The following PABPC4L variants were observed in gnomAD, a reference collection of about 807,000 sequenced individuals.
PABPC4L encodes poly(A) binding protein cytoplasmic 4 like.
For synonymous variants in PABPC4L, 169 were observed against 164.1 expected, an observed-to-expected ratio of 1.03 and a Z score of -0.23; for missense variants, 452 against 451.4, an observed-to-expected ratio of 1.00 and a Z score of -0.01.
At chr4:134,083,106 A>C in the PABPC4L span, among the ~76,000 whole-genome samples, 1 of 152,150 alleles carries the variant, frequency 6.6e-6, no homozygotes, top group African/African-American at 2.4e-5. Context: ...TCATTCATTC[A>C]GCAGATAATT....
the PABPC4L span, among the ~76,000 whole-genome samples, chr4:134,071,782 A>C: frequency 6.6e-6 from 1 of 152,298 alleles, no homozygotes; most frequent in South Asian, 2.1e-4. Flanking sequence ...GAAGTGAAAC[A>C]ATTTAGAAAA....
chr4:134,195,393 T>C (rs560537934), downstream of PABPC4L, among the ~76,000 whole-genome samples: 5 of 151,724 alleles, frequency 3.3e-5, no homozygotes, highest in African/African-American at 4.8e-5. Context: ...CCACTGGAGA[T>C]ACTGATTGTA....
At chr4:134,107,846 T>C in the PABPC4L span, among the ~76,000 whole-genome samples, 1 of 151,588 alleles carries the variant, frequency 6.6e-6, no homozygotes, top group African/African-American at 2.4e-5. Flanking sequence ...CATTAAATAT[T>C]AAATTATTTC....
chr4:134,169,832 A>T, the PABPC4L span, among the ~76,000 whole-genome samples: 1 of 152,116 alleles, frequency 6.6e-6, no homozygotes, highest in African/African-American at 2.4e-5. Context: ...AGGAAAAATA[A>T]AAATTGTTTT....
chr4:134,138,474 GA>G, the PABPC4L span, among the ~76,000 whole-genome samples: 4 of 151,716 alleles, frequency 2.6e-5, no homozygotes, highest in East Asian at 5.8e-4. Context: ...TTTTATGCAT[GA>G]AAAAGGAGGA....
chr4:134,059,386 CTA>C, the PABPC4L span, among the ~76,000 whole-genome samples: 419 of 142,368 alleles, frequency 2.9e-3, 6 homozygotes, highest in Admixed American at 0.019. Flanking sequence ...AGGAAACAAA[CTA>C]TATATATATA....
At chr4:134,079,205 C>T in the PABPC4L span, among the ~76,000 whole-genome samples, 2 of 150,354 alleles carry the variant, frequency 1.3e-5, no homozygotes, top group African/African-American at 4.9e-5. Context: ...CTCCTGACCT[C>T]GTGTCCCGCC....
chr4:133,960,606 C>T, the PABPC4L span, among the ~76,000 whole-genome samples: 1 of 152,320 alleles, frequency 6.6e-6, no homozygotes, highest in Middle Eastern at 3.4e-3. Context: ...GGTGTGCAGA[C>T]TCCGCAGGCA....
the PABPC4L span, among the ~76,000 whole-genome samples, chr4:133,991,376 T>G: frequency 2.0e-5 from 3 of 152,186 alleles, no homozygotes; most frequent in Non-Finnish European, 4.4e-5. Flanking sequence ...TATTGATTGA[T>G]TCCAAGGTTG....
At chr4:134,008,602 T>C in the PABPC4L span, among the ~76,000 whole-genome samples, 2 of 151,908 alleles carry the variant, frequency 1.3e-5, no homozygotes, top group Admixed American at 6.6e-5. Context: ...ATAACAATAA[T>C]GTAGAAATAG....
the PABPC4L span, among the ~76,000 whole-genome samples, chr4:133,961,574 C>T: frequency 4.6e-5 from 7 of 152,282 alleles, no homozygotes; most frequent in East Asian, 1.9e-4. Flanking sequence ...ATATAAACCC[C>T]GGCACTTGAG....
the PABPC4L span, among the ~76,000 whole-genome samples, chr4:134,032,845 T>A: frequency 1.3e-5 from 2 of 151,358 alleles, no homozygotes; most frequent in African/African-American, 4.8e-5. Context: ...TACTTTATTA[T>A]AAGATGTTAA....
the PABPC4L span, among the ~76,000 whole-genome samples, chr4:133,996,465 T>A: frequency 4.7e-4 from 72 of 152,232 alleles, 1 homozygote; most frequent in Non-Finnish European, 9.3e-4. Context: ...TTTCAGTACT[T>A]TTATATACTG....
the PABPC4L span, among the ~76,000 whole-genome samples, chr4:134,087,662 C>A: frequency 6.6e-6 from 1 of 152,082 alleles, no homozygotes; most frequent in Non-Finnish European, 1.5e-5. Flanking sequence ...TGCTTCCATC[C>A]AGAGGCCCTC....
chr4:134,182,016 A>C, the PABPC4L span, among the ~76,000 whole-genome samples: 1 of 151,718 alleles, frequency 6.6e-6, no homozygotes, highest in Non-Finnish European at 1.5e-5. Flanking sequence ...AAAAAAACAA[A>C]AATTAAAAAA....
chr4:134,169,480 A>T, the PABPC4L span, among the ~76,000 whole-genome samples: 3 of 152,104 alleles, frequency 2.0e-5, no homozygotes, highest in Non-Finnish European at 4.4e-5. Flanking sequence ...AAAGGCATCC[A>T]AATTAGAAAG....
the PABPC4L span, among the ~76,000 whole-genome samples, chr4:133,999,469 T>C: frequency 6.6e-6 from 1 of 152,080 alleles, no homozygotes; most frequent in African/African-American, 2.4e-5. Context: ...TTTTATAATT[T>C]TTGCAAACAT....
At chr4:134,161,592 A>G in the PABPC4L span, among the ~76,000 whole-genome samples, 2 of 152,172 alleles carry the variant, frequency 1.3e-5, no homozygotes, top group South Asian at 2.1e-4. Context: ...AACATGAAGT[A>G]GAAATAAAGA....
the PABPC4L span, among the ~76,000 whole-genome samples, chr4:134,168,453 C>T: frequency 6.6e-6 from 1 of 150,484 alleles, no homozygotes; most frequent in African/African-American, 2.4e-5. Flanking sequence ...ACAAAAAATA[C>T]AAAAAAATTG....
Sources: allele counts gnomAD v4.1 joint callset (sites outside exome capture counted in the v4.1 genomes callset), GRCh38; gene constraint gnomAD v4.1.1; transcripts MANE v1.5; gene names NCBI Gene and HGNC (gene_info 2026-07-23, HGNC 2026-07-21).